Variants in SDK1 observed in about 807,000 individuals in gnomAD.
SDK1 encodes the protein protein sidekick-1.
In SDK1, 157 loss-of-function variants were observed where a neutral mutation model predicts 245.5. The observed-to-expected ratio is 0.64, with a 90% CI of 0.56 to 0.73. The LOEUF (loss-of-function observed/expected upper bound fraction) is 0.73, where lower values mean the gene tolerates loss of function less well. Among genes scored for constraint, SDK1 ranks in the 30% least tolerant of loss-of-function variants. The pLI is 0.00. For missense variants in SDK1, 3,583 were observed against 3,002.3 expected, an observed-to-expected ratio of 1.19 and a Z score of -4.52; for synonymous variants, 1,647 against 1,278.5, an observed-to-expected ratio of 1.29 and a Z score of -6.15.
chr7:4,025,786 G>A (rs913045516), intron 17 of SDK1, among the ~76,000 whole-genome samples: 1 of 152,160 alleles, frequency 6.6e-6, no homozygotes, highest in Non-Finnish European at 1.5e-5. Flanking sequence ...CAGCACCATA[G>A]CCTGCCTTCT....
intron 5 of SDK1, among the ~76,000 whole-genome samples, chr7:3,895,016 G>A (rs1379096510): frequency 3.3e-5 from 5 of 152,074 alleles, no homozygotes; most frequent in African/African-American, 1.2e-4. Context: ...TTACCAGCGT[G>A]TCTCTAATGT....
chr7:4,110,571 G>T, intron 22 of SDK1, 92 bp from the exon 23 acceptor site: 1 of 896,396 alleles, frequency 1.1e-6, no homozygotes, highest in Non-Finnish European at 1.8e-6. Flanking sequence ...GCCCTGCCCA[G>T]CTCACCAGGT....
intron 5 of SDK1, among the ~76,000 whole-genome samples, chr7:3,940,416 G>T (rs187104532): frequency 8.5e-4 from 130 of 152,230 alleles, no homozygotes; most frequent in Non-Finnish European, 1.7e-3. Flanking sequence ...AAGTAGCCTT[G>T]GTTGTATGCC....
chr7:3,895,337 C>G (rs993468092), intron 5 of SDK1, among the ~76,000 whole-genome samples: 2 of 152,156 alleles, frequency 1.3e-5, no homozygotes, highest in African/African-American at 4.8e-5. Flanking sequence ...GTCTGGCTGC[C>G]TCAGGGCCCA....
In SDK1 at chr7:4,113,399, T is replaced by TC; in HGVS notation, c.3547dup (p.Arg1183ProfsTer5). The TC allele has an allele frequency of 6.2e-7, 1 of 1,613,914 alleles. No individual in the cohort carries two copies. The highest frequency in any genetic ancestry group is 2.2e-5 in the East Asian group (1 of 44,874). On this transcript the variant is annotated frameshift_variant, in exon 24 of 45. Coordinates refer to ENST00000404826, the MANE Select transcript of SDK1 (RefSeq NM_152744.4). LOFTEE classifies it high-confidence loss of function. ...GACGTGGCTCCAACCAGCGTCACGGTCCGTACTGCCAGTGAGACCAGCCTG... is the reference window on the plus strand; with the variant it reads ...GACGTGGCTCCAACCAGCGTCACGGTCCCGTACTGCCAGTGAGACCAGCCTG...
chr7:4,151,329 C>T (rs1368269381), intron 30 of SDK1, among the ~76,000 whole-genome samples: 2 of 152,208 alleles, frequency 1.3e-5, no homozygotes, highest in African/African-American at 4.8e-5. Context: ...CCAAGCAGCC[C>T]TCTGCTCTTC....
intron 1 of SDK1, among the ~76,000 whole-genome samples, chr7:3,466,132 A>G (rs181776957): frequency 6.6e-6 from 1 of 151,922 alleles, no homozygotes; most frequent in Admixed American, 6.6e-5. Context: ...ACTGCTGGAC[A>G]TGTTGCCAGC....
At chr7:3,847,177 C>T (rs1426231061) in intron 5 of SDK1, among the ~76,000 whole-genome samples, 2 of 152,102 alleles carry the variant, frequency 1.3e-5, no homozygotes, top group East Asian at 3.9e-4. Context: ...TTTGCGATTT[C>T]AACCTTTACT....
intron 5 of SDK1, among the ~76,000 whole-genome samples, chr7:3,842,907 G>A (rs1780193878): frequency 6.6e-6 from 1 of 152,126 alleles, no homozygotes; most frequent in African/African-American, 2.4e-5. Context: ...CACCACAATG[G>A]TCTCTTTAGG....
At chr7:4,059,399 A>G (rs1206779043) in intron 19 of SDK1, among the ~76,000 whole-genome samples, 1 of 152,260 alleles carries the variant, frequency 6.6e-6, no homozygotes, top group Admixed American at 6.5e-5. Flanking sequence ...GGATATAACA[A>G]TTCTAAACAT....
intron 1 of SDK1, among the ~76,000 whole-genome samples, chr7:3,389,606 A>C (rs1317946276): frequency 6.6e-6 from 1 of 152,196 alleles, no homozygotes; most frequent in Non-Finnish European, 1.5e-5. Flanking sequence ...GCAGCAACAG[A>C]AAACTAATAC....
At chr7:4,122,539 A>G (rs1405535474) in intron 25 of SDK1, among the ~76,000 whole-genome samples, 1 of 152,192 alleles carries the variant, frequency 6.6e-6, no homozygotes, top group Non-Finnish European at 1.5e-5. Context: ...GCTCGGAGCC[A>G]CATTTCAATG....
intron 28 of SDK1, 24 bp downstream of exon 28, chr7:4,132,447 C>G: frequency 1.9e-6 from 3 of 1,540,612 alleles, no homozygotes; most frequent in Non-Finnish European, 2.7e-6. Flanking sequence ...GGTGGCCGGG[C>G]GTGGTGGCTC....
chr7:3,868,014 T>A (rs1780863892), intron 5 of SDK1, among the ~76,000 whole-genome samples: 1 of 152,170 alleles, frequency 6.6e-6, no homozygotes, highest in Non-Finnish European at 1.5e-5. Flanking sequence ...CCCTATTTCA[T>A]AACTCGAGAG....
At chr7:4,076,541 C>G (rs1562773518) in intron 20 of SDK1, among the ~76,000 whole-genome samples, 1 of 150,104 alleles carries the variant, frequency 6.7e-6, no homozygotes, top group South Asian at 2.1e-4. Flanking sequence ...GGGCAACAGA[C>G]TCAAAAATAA....
chr7:3,558,541 T>C (rs1049966572), intron 1 of SDK1, among the ~76,000 whole-genome samples: 3 of 152,210 alleles, frequency 2.0e-5, no homozygotes, highest in African/African-American at 7.2e-5. Context: ...AGGCAGTGAT[T>C]GGCCTGGTAC....
intron 10 of SDK1, among the ~76,000 whole-genome samples, chr7:3,969,036 A>G (rs1782285624): frequency 6.6e-6 from 1 of 152,212 alleles, no homozygotes; most frequent in Non-Finnish European, 1.5e-5. Flanking sequence ...AGATCTCATG[A>G]GAACTCCCTC....
intron 35 of SDK1, among the ~76,000 whole-genome samples, chr7:4,190,675 T>G (rs1322323226): frequency 2.0e-5 from 3 of 152,254 alleles, no homozygotes; most frequent in Admixed American, 2.0e-4. Context: ...GCTGACTGAC[T>G]GGGAGCTTGG....
At chr7:4,109,995 G>A (rs560423801) in intron 22 of SDK1, among the ~76,000 whole-genome samples, 5 of 152,106 alleles carry the variant, frequency 3.3e-5, no homozygotes, top group South Asian at 4.1e-4. Context: ...TGCAGGCATC[G>A]CCAGCAGACC....
Sources: allele counts gnomAD v4.1 joint callset (sites outside exome capture counted in the v4.1 genomes callset), GRCh38; gene constraint gnomAD v4.1.1; transcripts MANE v1.5; gene names NCBI Gene and HGNC (gene_info 2026-07-23, HGNC 2026-07-21).